Variants in RRN3 observed in about 807,000 individuals in gnomAD.
RRN3 encodes RNA polymerase I-specific transcription initiation factor RRN3.
A neutral mutation model predicts 82.3 loss-of-function variants in RRN3; 38 were observed. The ratio of observed to expected loss-of-function variants is 0.46; its 90% CI spans 0.36 to 0.61. RRN3 has a LOEUF of 0.61. RRN3 is among the 20% of genes least tolerant of loss of function. The pLI, the probability that RRN3 is intolerant of heterozygous loss-of-function variation, is 0.00. For missense variants in RRN3, 726 were observed against 793.1 expected (o/e 0.92, Z 1.02); for synonymous variants, 284 against 284.3 (o/e 1.00, Z 0.01).
chr16:15,071,114 T>C lies in RRN3; in HGVS notation c.1259+7A>G. The C allele has an allele frequency of 6.3e-7, 1 of 1,597,224 alleles. No homozygotes were observed. Among genetic ancestry groups the C allele is most frequent in the Non-Finnish European group, 8.5e-7 (1 of 1,173,804 alleles). On this transcript the variant is annotated splice_region_variant and intron_variant, in intron 13 of 17. Coordinates refer to ENST00000198767, the MANE Select transcript of RRN3 (RefSeq NM_018427.5). ...TTAAAAAGTATTCGGAAAATTAGGCTACTTACATAAGAGGAATAAATTTAG... is the reference window on the plus strand; with the variant it reads ...TTAAAAAGTATTCGGAAAATTAGGCCACTTACATAAGAGGAATAAATTTAG...
chr16:15,074,638 T>C, intron 11 of RRN3, 85 bp downstream of exon 11: 3 of 967,012 alleles, frequency 3.1e-6, no homozygotes, highest in Non-Finnish European at 4.5e-6. Context: ...ATTTTTAGTA[T>C]TACTAGAGAT....
intron 16 of RRN3, among the ~76,000 whole-genome samples, chr16:15,063,712 A>AAG (rs2044823751): frequency 6.6e-6 from 1 of 150,834 alleles, no homozygotes. Context: ...CTCAAAAAAA[A>AAG]AAAAAAAAAA....
chr16:15,071,221 A>G lies in RRN3; in HGVS notation c.1159T>C (p.Trp387Arg), dbSNP rs2045211664. ...TTACTTGGGTCCTGCAATTTTTTCCAGAGATGTTCCAAAAATGCCTCTGCG... is the reference window on the plus strand; with the variant it reads ...TTACTTGGGTCCTGCAATTTTTTCCGGAGATGTTCCAAAAATGCCTCTGCG... ...GFAEAFLEHL[W>R]KKLQDPSNPA... The change falls in exon 13 of 18, where the codon TGG (tryptophan) becomes CGG (arginine). Residue 387 changes from tryptophan to arginine, a missense_variant. Trp to Arg is a moderately radical substitution (Grantham distance 101). Coordinates refer to ENST00000198767, the MANE Select transcript of RRN3 (RefSeq NM_018427.5). The G allele has an allele frequency of 6.2e-7, 1 of 1,610,510 alleles. No homozygotes were observed. Among genetic ancestry groups the G allele is most frequent in the Non-Finnish European group, 8.5e-7 (1 of 1,179,302 alleles).
chr16:15,078,540 C>G (rs999855699), intron 9 of RRN3, among the ~76,000 whole-genome samples: 3 of 152,182 alleles, frequency 2.0e-5, no homozygotes, highest in Non-Finnish European at 4.4e-5. Context: ...CTCTTTTCAT[C>G]TTTCTAAAAA....
chr16:15,083,034 G>A (rs1394743286), intron 8 of RRN3, among the ~76,000 whole-genome samples: 2 of 152,164 alleles, frequency 1.3e-5, no homozygotes, highest in Admixed American at 6.5e-5. Context: ...CCCAATAGCC[G>A]CTTTATAAGA....
chr16:15,060,319 G>A lies in RRN3; in HGVS notation c.*1425C>T, dbSNP rs1260897079. The A allele has an allele frequency of 9.6e-5, 21 of 218,050 alleles. No individual in the cohort carries two copies. The highest frequency in any genetic ancestry group is 2.1e-4 in the South Asian group (4 of 19,396). The allele number at this position is 218,050 out of a possible 1,614,324, so 13.5% of individuals were successfully genotyped here. ...TCTCAAATTACTTTCCACCAAACCC[G>A]GAAAAGAAAACCACCCATATCCAAA... On this transcript the variant is annotated 3_prime_UTR_variant, in exon 18 of 18. Coordinates refer to ENST00000198767, the MANE Select transcript of RRN3 (RefSeq NM_018427.5).
At position 15,071,278 on chromosome 16, in the gene RRN3, A is replaced by G. The variant is rs759767704; in HGVS notation, c.1129-27T>C. ...TATAAAAAGAGAGGGCGTCGGTGTG[A>G]TCTTTTTTAATGCCTAAGATAATCT... On this transcript the variant is annotated intron_variant, in intron 12 of 17. Coordinates refer to ENST00000198767, the MANE Select transcript of RRN3 (RefSeq NM_018427.5). The G allele has an allele frequency of 2.5e-6, 4 of 1,575,840 alleles. No individual in the cohort carries two copies. In the Admixed American group the frequency reaches 7.7e-5, roughly 30 times the overall value.
intron 1 of RRN3, 114 bp downstream of exon 1, chr16:15,094,031 C>G: frequency 3.3e-6 from 3 of 904,962 alleles, no homozygotes; most frequent in Non-Finnish European, 5.4e-6. Flanking sequence ...ACCCTCCACC[C>G]CGTGCTCCTA....
intron 9 of RRN3, among the ~76,000 whole-genome samples, chr16:15,079,430 T>G (rs1260645390): frequency 6.6e-6 from 1 of 152,230 alleles, no homozygotes; most frequent in Non-Finnish European, 1.5e-5. Flanking sequence ...CTCTAACTCA[T>G]AATGTATGTT....
intron 9 of RRN3, 24 bp downstream of exon 9, chr16:15,079,974 A>G (rs1317743086): frequency 6.4e-7 from 1 of 1,564,536 alleles, no homozygotes; most frequent in East Asian, 2.3e-5. Flanking sequence ...AAATGAAAAT[A>G]AAAATAGATT....
Position 15,085,674 on chromosome 16 carries a change from T to A in RRN3, c.497A>T (p.Asp166Val), listed in dbSNP as rs373827994. 1.6e-4 allele frequency: 257 copies of A among 1,613,480 alleles called. No individual in the cohort carries two copies. The highest frequency in any genetic ancestry group is 2.1e-4 in the Non-Finnish European group (248 of 1,179,812). Residue 166 changes from aspartate to valine, a missense_variant, in exon 6 of 18, where the codon GAT becomes GTT. Asp to Val is a radical substitution (Grantham distance 152). Coordinates refer to ENST00000198767, the MANE Select transcript of RRN3 (RefSeq NM_018427.5). ...ATCATCAGAATCTGAAACATCTACATCGCCTTCCTTAATGATCACTCGGGC... is the reference window on the plus strand; with the variant it reads ...ATCATCAGAATCTGAAACATCTACAACGCCTTCCTTAATGATCACTCGGGC... ...VPPRVIIKEG[D>V]VDVSDSDDED...
Position 15,070,294 on chromosome 16 carries a change from A to T in RRN3, c.1260-40T>A, listed in dbSNP as rs768421804. 1.3e-4 allele frequency: 205 copies of T among 1,606,154 alleles called. 4 individuals are homozygous for T. In the East Asian group the frequency reaches 4.5e-3, roughly 35 times the overall value. ...AATTCAAGTCAACTTTACACATCAT[A>T]AAAAAACCAGAATAACATAAAAACA... On this transcript the variant is annotated intron_variant, in intron 13 of 17. Coordinates refer to ENST00000198767, the MANE Select transcript of RRN3 (RefSeq NM_018427.5).
chr16:15,081,628 C>T (rs1286665689), intron 8 of RRN3, among the ~76,000 whole-genome samples: 1 of 152,166 alleles, frequency 6.6e-6, no homozygotes, highest in African/African-American at 2.4e-5. Flanking sequence ...ATTTGGGGAT[C>T]CTTTTCATCT....
intron 9 of RRN3, 48 bp downstream of exon 9, chr16:15,079,950 A>C: frequency 6.6e-7 from 1 of 1,522,832 alleles, no homozygotes. Context: ...TGATTATAAC[A>C]AATTCAAGTC....
At chr16:15,065,462 C>G in intron 15 of RRN3, 91 bp from the exon 16 acceptor site, 1 of 1,091,940 alleles carries the variant, frequency 9.2e-7, no homozygotes, top group Non-Finnish European at 1.3e-6. Flanking sequence ...CTGTACCTAC[C>G]ACAGAGAAAT....
At chr16:15,080,706 G>A (rs1432929169) in intron 8 of RRN3, among the ~76,000 whole-genome samples, 1 of 152,120 alleles carries the variant, frequency 6.6e-6, no homozygotes, top group Non-Finnish European at 1.5e-5. Flanking sequence ...ATGGGCATAA[G>A]CCACTGCGCC....
At chr16:15,073,191 C>A in intron 11 of RRN3, 111 bp from the exon 12 acceptor site, 2 of 1,237,434 alleles carry the variant, frequency 1.6e-6, no homozygotes, top group African/African-American at 1.5e-5. Context: ...TCCAGCCAAG[C>A]ACAGTGGCTC....
At chr16:15,085,462 CT>C (rs1567218896) in intron 6 of RRN3, among the ~76,000 whole-genome samples, 176 bp downstream of exon 6, 1 of 152,052 alleles carries the variant, frequency 6.6e-6, no homozygotes, top group Non-Finnish European at 1.5e-5. Flanking sequence ...TACTTTAAGC[CT>C]TTTTTAAGAA....
At chr16:15,075,103 A>G (rs908619308) in intron 10 of RRN3, among the ~76,000 whole-genome samples, 116 of 151,938 alleles carry the variant, frequency 7.6e-4, no homozygotes, top group Non-Finnish European at 2.1e-4. Context: ...TACAAGAATT[A>G]GCCAGGTATG....
Sources: allele counts gnomAD v4.1 joint callset (sites outside exome capture counted in the v4.1 genomes callset), GRCh38; gene constraint gnomAD v4.1.1; transcripts MANE v1.5; gene names NCBI Gene and HGNC (gene_info 2026-07-23, HGNC 2026-07-21).